The following SYCP2L variants were observed in gnomAD, a reference collection of about 807,000 sequenced individuals.
SYCP2L encodes the protein synaptonemal complex protein 2 like.
In SYCP2L, 98 loss-of-function variants were observed where a neutral mutation model predicts 125.8. The observed-to-expected ratio is 0.78, with a 90% CI of 0.66 to 0.92. The LOEUF is 0.92. SYCP2L is among the 40% of genes least tolerant of loss of function. The pLI, the probability that SYCP2L is intolerant of heterozygous loss-of-function variation, is 0.00. For missense variants in SYCP2L, 842 were observed against 936.4 expected (o/e 0.90, Z 1.32); for synonymous variants, 317 against 325.4 (o/e 0.97, Z 0.28).
rs974666228 is a variant in SYCP2L, at chr6:10,931,469, A to G, written c.1663A>G (p.Ser555Gly). The G allele has an allele frequency of 2.5e-6, 4 of 1,614,028 alleles. No individual in the cohort carries two copies. The African/African-American group carries it at 4.0e-5, about 16-fold the overall frequency. ...ILPVFPPSSG[S>G]GHEKDQAKLL... ...GCCAGTTTTCCCTCCCAGTAGTGGC[A>G]GTGGCCATGAGAAAGACCAAGTAAG... The change falls in exon 20 of 30, where the codon AGT becomes GGT. Residue 555 changes from serine (S) to glycine (G), a missense_variant. Physicochemically the swap from Ser to Gly is moderately conservative, Grantham distance 56. Coordinates refer to ENST00000283141, the MANE Select transcript of SYCP2L (RefSeq NM_001040274.3).
chr6:10,893,716 A>G lies in SYCP2L; in HGVS notation c.79-151A>G, dbSNP rs376516607. 5.4e-5 allele frequency: 51 copies of G among 938,606 alleles called. No homozygotes were observed. In the East Asian group the frequency reaches 1.3e-3, roughly 25 times the overall value. The allele number at this position is 938,606 out of a possible 1,614,324, so 58.1% of individuals were successfully genotyped here. A position where few individuals can be genotyped will look rare whatever the true frequency, so the allele number is the denominator to read the frequency against. On this transcript the variant is annotated intron_variant, in intron 2 of 29. Transcript: ENST00000283141. Reference sequence around the variant, plus strand: ...GGAAACATCAATCATTTGTGAAATGATTGTTTACTATTCAAGATAGAGATC... The same window carrying G: ...GGAAACATCAATCATTTGTGAAATGGTTGTTTACTATTCAAGATAGAGATC...
At position 10,942,711 on chromosome 6, in the gene SYCP2L, G is replaced by T; in HGVS notation, c.1919G>T (p.Ser640Ile). ...CAAGAATCACTAACAGAAAGTACTA[G>T]CTTGAAACATAAGCTGAGAAACTTG... Reference protein sequence around the residue: ...VNQESLTESTSLKHKLRNLED... With the variant: ...VNQESLTESTILKHKLRNLED... The change falls in exon 23 of 30, where the codon AGC (serine) becomes ATC (isoleucine). Residue 640 changes from serine to isoleucine, a missense_variant. Physicochemically the swap from Ser to Ile is moderately radical, Grantham distance 142. Coordinates refer to ENST00000283141, the MANE Select transcript of SYCP2L (RefSeq NM_001040274.3). 1 of 1,612,920 alleles carries T rather than the reference G, an allele frequency of 6.2e-7. No homozygotes were observed. The highest frequency in any genetic ancestry group is 8.5e-7 in the Non-Finnish European group (1 of 1,179,796).
chr6:10,893,969 C>T lies in SYCP2L; in HGVS notation c.181C>T (p.Leu61Phe), dbSNP rs773523972. Reference protein sequence around the residue: ...ESHFPQKYNRLLLYRLDRSIN... With the variant: ...ESHFPQKYNRFLLYRLDRSIN... Reference sequence around the variant, plus strand: ...CCACTTTCCTCAAAAATATAATCGTCTTCTATTATACCGTCTTGACAGATC... The same window carrying T: ...CCACTTTCCTCAAAAATATAATCGTTTTCTATTATACCGTCTTGACAGATC... Residue 61 changes from leucine to phenylalanine, a missense_variant, in exon 3 of 30, where the codon CTT becomes TTT. Leu to Phe is a conservative substitution (Grantham distance 22). Transcript: ENST00000283141. 9 of 1,611,950 alleles carry T rather than the reference C, an allele frequency of 5.6e-6. No homozygotes were observed. The Admixed American group carries it at 1.3e-4, about 24-fold the overall frequency.
At chr6:10,923,860 A>T (rs1466539070) in intron 14 of SYCP2L, among the ~76,000 whole-genome samples, 1 of 149,658 alleles carries the variant, frequency 6.7e-6, no homozygotes, top group African/African-American at 2.5e-5. Flanking sequence ...ATTTTTTTGT[A>T]TTTTTAGCAG....
intron 6 of SYCP2L, 62 bp from the exon 7 acceptor site, chr6:10,902,615 T>A: frequency 7.2e-7 from 1 of 1,389,990 alleles, no homozygotes; most frequent in Non-Finnish European, 1.0e-6. Flanking sequence ...TCTGACCGTG[T>A]GTAGGAGTCA....
intron 6 of SYCP2L, 33 bp downstream of exon 6, chr6:10,898,881 A>C: frequency 8.1e-7 from 1 of 1,239,988 alleles, no homozygotes; most frequent in East Asian, 2.4e-5. Context: ...ATTGGCTATT[A>C]ATTTTTCATT....
intron 4 of SYCP2L, among the ~76,000 whole-genome samples, chr6:10,895,796 A>C (rs1354341557): frequency 6.6e-6 from 1 of 151,788 alleles, no homozygotes; most frequent in African/African-American, 2.4e-5. Context: ...CCAACTCTAT[A>C]CTTCTAAAGA....
At chr6:10,906,933 G>A (rs1368564147) in intron 9 of SYCP2L, among the ~76,000 whole-genome samples, 1 of 151,468 alleles carries the variant, frequency 6.6e-6, no homozygotes, top group East Asian at 1.9e-4. Flanking sequence ...TGATGATTTG[G>A]TTTGAATGAG....
At chr6:10,927,669 G>A (rs1239158589) in intron 17 of SYCP2L, among the ~76,000 whole-genome samples, 4 of 152,200 alleles carry the variant, frequency 2.6e-5, no homozygotes, top group Admixed American at 2.6e-4. Flanking sequence ...AATTAAAATT[G>A]CTAATGAAGT....
intron 1 of SYCP2L, among the ~76,000 whole-genome samples, chr6:10,887,426 G>GT (rs1341050160): frequency 6.6e-6 from 1 of 152,208 alleles, no homozygotes; most frequent in African/African-American, 2.4e-5. Context: ...GTTGCTTTGC[G>GT]TATTTTCCTA....
intron 16 of SYCP2L, 145 bp downstream of exon 16, chr6:10,926,577 C>G (rs1022276296): frequency 3.3e-6 from 2 of 612,072 alleles, no homozygotes; most frequent in African/African-American, 3.7e-5. Context: ...TTGCTGATAG[C>G]CTTGAATTGT....
intron 29 of SYCP2L, among the ~76,000 whole-genome samples, chr6:10,964,323 CAGTA>C (rs1028781281): frequency 1.3e-5 from 2 of 152,132 alleles, no homozygotes; most frequent in Non-Finnish European, 2.9e-5. Flanking sequence ...GTCATTCCTT[CAGTA>C]AGTGTTTATA....
chr6:10,953,555 T>C (rs150835777), intron 23 of SYCP2L, among the ~76,000 whole-genome samples: 2,258 of 152,292 alleles, frequency 0.015, 51 homozygotes, highest in African/African-American at 0.052. Flanking sequence ...TAAACTCTTA[T>C]CTGTTGTATT....
At chr6:10,943,976 A>C (rs1347662776) in intron 23 of SYCP2L, among the ~76,000 whole-genome samples, 1 of 152,160 alleles carries the variant, frequency 6.6e-6, no homozygotes, top group Non-Finnish European at 1.5e-5. Flanking sequence ...GGATTTTTGC[A>C]ATTTGGGTTG....
intron 21 of SYCP2L, among the ~76,000 whole-genome samples, chr6:10,936,304 C>T (rs927485100): frequency 3.3e-5 from 5 of 151,856 alleles, no homozygotes; most frequent in African/African-American, 9.7e-5. Context: ...CGAGACCAGC[C>T]TGACCAATAT....
At chr6:10,909,374 C>T (rs1037834559) in intron 10 of SYCP2L, among the ~76,000 whole-genome samples, 4 of 151,906 alleles carry the variant, frequency 2.6e-5, no homozygotes, top group African/African-American at 4.8e-5. Context: ...GTGATCTGCC[C>T]GCCTCGGCCT....
chr6:10,914,391 G>A (rs572463716), intron 14 of SYCP2L, among the ~76,000 whole-genome samples: 1 of 152,298 alleles, frequency 6.6e-6, no homozygotes, highest in Admixed American at 6.5e-5. Context: ...GTACCATGCT[G>A]TTTTCATGAC....
At chr6:10,911,325 T>C (rs1014110232) in intron 12 of SYCP2L, among the ~76,000 whole-genome samples, 6 of 152,040 alleles carry the variant, frequency 3.9e-5, no homozygotes, top group Non-Finnish European at 8.8e-5. Context: ...ACCAGTTTCT[T>C]CCCCACCCCC....
rs758579590 is a variant in SYCP2L, at chr6:10,956,234, A to G, written c.2155A>G (p.Lys719Glu). 4 of 1,611,948 alleles carry G rather than the reference A, an allele frequency of 2.5e-6. No individual in the cohort carries two copies. In the African/African-American group the frequency reaches 5.3e-5, roughly 22 times the overall value. ...FENFTKKRKR[K>E]YELRYRKRPF... is the part of the protein sequence containing the mutation. The stretch of plus-strand genomic sequence containing the variant: ...AAACTTCACTAAAAAACGGAAAAGA[A>G]AATATGAGGTAGTAGTCCACAAAAC... Residue 719 changes from lysine (K) to glutamate (E), a missense_variant, in exon 25 of 30, where the codon AAA becomes GAA. Physicochemically the swap from Lys to Glu is moderately conservative, Grantham distance 56. Transcript: ENST00000283141.
Sources: gnomAD v4.1 joint callset for allele counts (sites outside exome capture counted in the v4.1 genomes callset) on GRCh38, gnomAD v4.1.1 for gene constraint, MANE v1.5 for transcripts, NCBI Gene and HGNC (gene_info 2026-07-23, HGNC 2026-07-21) for gene names.